Variants in ASAP3 observed in about 807,000 individuals in gnomAD.
ASAP3 encodes the protein ArfGAP with SH3 domain, ankyrin repeat and PH domain 3.
In ASAP3, 85 loss-of-function variants were observed where a neutral mutation model predicts 118.2. The observed-to-expected ratio is 0.72, with a 90% confidence interval of 0.60 to 0.86. The LOEUF is 0.86. Ranked by LOEUF, ASAP3 falls within the 40% of genes least tolerant of loss-of-function variation. ASAP3 has a pLI of 0.00. For synonymous variants in ASAP3, 432 were observed against 477.4 expected (o/e 0.90, Z 1.24); for missense variants, 1,026 against 1,175.0 (o/e 0.87, Z 1.85).
At chr1:23,465,137 A>G (rs12131668) in intron 1 of ASAP3, among the ~76,000 whole-genome samples, 5,781 of 152,338 alleles carry the variant, frequency 0.038, 145 homozygotes, top group Middle Eastern at 0.15. Context: ...CCACTATTTG[A>G]TAACTAAAAA....
At chr1:23,430,018 G>T in intron 24 of ASAP3, 88 bp from the exon 25 acceptor site, 1 of 1,084,988 alleles carries the variant, frequency 9.2e-7, no homozygotes, top group Non-Finnish European at 1.3e-6. Context: ...CTGTCCTATT[G>T]TAGATAAATT....
intron 22 of ASAP3, 79 bp downstream of exon 22, chr1:23,432,998 G>A (rs1314695362): frequency 6.6e-6 from 10 of 1,525,660 alleles, no homozygotes; most frequent in Non-Finnish European, 8.1e-6. Flanking sequence ...ACTAACATAT[G>A]CACTCAGCTC....
chr1:23,440,834 C>G (rs778958818), intron 10 of ASAP3, among the ~76,000 whole-genome samples: 1 of 130,848 alleles, frequency 7.6e-6, no homozygotes, highest in Admixed American at 8.8e-5. Flanking sequence ...CCAGCCTGGG[C>G]GACAGAGTGA....
rs754303850 is a variant in ASAP3, at chr1:23,438,622, C to G, written c.1102+125G>C. ...CTAAGGATTCTTATGTCTGCAGTAGCAGCAATTCGACACCATGTGTGGAAC... is the reference window on the plus strand; with the variant it reads ...CTAAGGATTCTTATGTCTGCAGTAGGAGCAATTCGACACCATGTGTGGAAC... On this transcript the variant is annotated intron_variant, in intron 12 of 24. Coordinates refer to ENST00000336689, the MANE Select transcript of ASAP3 (RefSeq NM_017707.4). This position sits in a 1 kb window ranked among gnomAD's most constrained non-coding sequence, Gnocchi z 4.9. The G allele has an allele frequency of 1.7e-5, 13 of 747,346 alleles. No individual in the cohort carries two copies. The highest frequency in any genetic ancestry group is 2.9e-5 in the Non-Finnish European group (13 of 446,834). The allele number at this position is 747,346 out of a possible 1,614,324, so 46.3% of individuals were successfully genotyped here.
intron 1 of ASAP3, among the ~76,000 whole-genome samples, chr1:23,456,674 G>A (rs1641398439): frequency 6.6e-6 from 1 of 152,182 alleles, no homozygotes. Context: ...CCAGAGGGGA[G>A]AACACACACA....
chr1:23,434,042 T>C (rs568712226), intron 19 of ASAP3, among the ~76,000 whole-genome samples: 2 of 152,318 alleles, frequency 1.3e-5, no homozygotes, highest in South Asian at 2.1e-4. Flanking sequence ...CCCAGAAATA[T>C]TATTTTCTTT....
intron 4 of ASAP3, among the ~76,000 whole-genome samples, 173 bp downstream of exon 4, chr1:23,452,524 A>G (rs532234869): frequency 2.0e-5 from 3 of 152,206 alleles, no homozygotes; most frequent in East Asian, 3.9e-4. Flanking sequence ...ACAGCAGGTC[A>G]GCCATCCTAG....
At chr1:23,439,283 CA>C in intron 10 of ASAP3, 53 bp from the exon 11 acceptor site, 1 of 1,562,954 alleles carries the variant, frequency 6.4e-7, no homozygotes, top group East Asian at 2.3e-5. Context: ...ACCTAGTTCG[CA>C]GGTGTCAGAG....
intron 17 of ASAP3, 125 bp downstream of exon 17, chr1:23,435,726 T>G: frequency 8.8e-7 from 1 of 1,141,106 alleles, no homozygotes; most frequent in Non-Finnish European, 1.3e-6. Context: ...CACTTACCAC[T>G]CTGATGGGTG....
In ASAP3 at chr1:23,429,920, G is replaced by A. The variant is rs531234229; in HGVS notation, c.2648C>T (p.Thr883Ile). 2 of 1,613,846 alleles carry A rather than the reference G, an allele frequency of 1.2e-6. No homozygotes were observed. The highest frequency in any genetic ancestry group is 4.5e-5 in the East Asian group (2 of 44,880). The change falls in exon 25 of 25, where the codon ACT (threonine) becomes ATT (isoleucine). Residue 883 changes from threonine to isoleucine, a missense_variant. Transcript: ENST00000336689. ...LPRRNVPVGI[T>I]EGDGSRTGSL... ...CCCAGTCCTTGAGCCATCTCCTTCA[G>A]TGATGCCAACCTGCAGAAAGAAGGA...
At chr1:23,432,928 T>G in intron 22 of ASAP3, 149 bp downstream of exon 22, 1 of 786,524 alleles carries the variant, frequency 1.3e-6, no homozygotes, top group Non-Finnish European at 2.0e-6. Flanking sequence ...CCTCTGTTCT[T>G]TTATCTGTAA....
intron 1 of ASAP3, among the ~76,000 whole-genome samples, chr1:23,469,627 T>A (rs116140347): frequency 2.5e-3 from 379 of 152,324 alleles, no homozygotes; most frequent in Non-Finnish European, 4.6e-3. Flanking sequence ...AGCTCCCAGC[T>A]TGAGTCTATT....
chr1:23,436,110 G>T lies in ASAP3; in HGVS notation c.1572-82C>A. On this transcript the variant is annotated intron_variant, in intron 16 of 24. Coordinates refer to ENST00000336689, the MANE Select transcript of ASAP3 (RefSeq NM_017707.4). This position sits in a 1 kb window ranked among gnomAD's most constrained non-coding sequence, Gnocchi z 4.2. ...CTGGGGCCCTCCCACAGGAGATACAGCTCTCTTTTTCTCCAGAACCATGTC... is the reference window on the plus strand; with the variant it reads ...CTGGGGCCCTCCCACAGGAGATACATCTCTCTTTTTCTCCAGAACCATGTC... 6.8e-7 allele frequency: 1 copy of T among 1,473,824 alleles called. No individual in the cohort carries two copies. Among genetic ancestry groups the T allele is most frequent in the Non-Finnish European group, 9.4e-7 (1 of 1,062,460 alleles). The allele number at this position is 1,473,824 out of a possible 1,614,324, so 91.3% of individuals were successfully genotyped here. A position where few individuals can be genotyped will look rare whatever the true frequency, so the allele number is the denominator to read the frequency against.
At chr1:23,458,689 G>A (rs1231560439) in intron 1 of ASAP3, among the ~76,000 whole-genome samples, 1 of 151,252 alleles carries the variant, frequency 6.6e-6, no homozygotes, top group Admixed American at 6.6e-5. Flanking sequence ...TTCTAAACTG[G>A]CCAACAGAAA....
intron 1 of ASAP3, among the ~76,000 whole-genome samples, chr1:23,473,842 G>A (rs1642033803): frequency 6.6e-6 from 1 of 151,930 alleles, no homozygotes; most frequent in African/African-American, 2.4e-5. Context: ...GTCCATCCTA[G>A]AAAACCCTGC....
chr1:23,475,632 T>C (rs1642103959), intron 1 of ASAP3, among the ~76,000 whole-genome samples: 1 of 152,214 alleles, frequency 6.6e-6, no homozygotes, highest in South Asian at 2.1e-4. Flanking sequence ...TACTGCCTTC[T>C]TGACATCTCC....
At position 23,436,925 on chromosome 1, in the gene ASAP3, G is replaced by A; in HGVS notation, c.1462C>T (p.Pro488Ser). 1 of 1,611,882 alleles carries A rather than the reference G, an allele frequency of 6.2e-7. No individual in the cohort carries two copies. The highest frequency in any genetic ancestry group is 8.5e-7 in the Non-Finnish European group (1 of 1,179,704). Residue 488 changes from proline (P) to serine (S), a missense_variant, in exon 15 of 25, where the codon CCC becomes TCC. Pro to Ser is a moderately conservative substitution (Grantham distance 74). Coordinates refer to ENST00000336689, the MANE Select transcript of ASAP3 (RefSeq NM_017707.4). This position sits in a 1 kb window ranked among gnomAD's most constrained non-coding sequence, Gnocchi z 4.2. Reference sequence around the variant, plus strand: ...CCCGCCCTCACCAACAACTCGGAGGGGCCCAGCAGGTCCAAGGTGAGTGAC... The same window carrying A: ...CCCGCCCTCACCAACAACTCGGAGGAGCCCAGCAGGTCCAAGGTGAGTGAC... Reference protein sequence around the residue: ...MQSLTLDLLGPSELLLALNMG... With the variant: ...MQSLTLDLLGSSELLLALNMG...
At chr1:23,455,850 A>G in intron 3 of ASAP3, 31 bp downstream of exon 3, 1 of 1,612,840 alleles carries the variant, frequency 6.2e-7, no homozygotes. Context: ...ATTTACCCTG[A>G]GTCTGGGCAA....
chr1:23,438,764 C>T lies in ASAP3; in HGVS notation c.1085G>A (p.Cys362Tyr). The change falls in exon 12 of 25, where the codon TGC becomes TAC. Residue 362 changes from cysteine to tyrosine, a missense_variant. By Grantham distance (194) the Cys-to-Tyr change is radical (BLOSUM62 -2). Transcript: ENST00000336689. This position sits in a 1 kb window ranked among gnomAD's most constrained non-coding sequence, Gnocchi z 4.9. ...QVRPNPEEKKCFDLVTHNRTY... is the reference protein window; with the variant it reads ...QVRPNPEEKKYFDLVTHNRTY... ...CCACTCACGGGTCACCAGGTCGAAGCACTTTTTCTCCTCAGGGTTTGGCCT... is the reference window on the plus strand; with the variant it reads ...CCACTCACGGGTCACCAGGTCGAAGTACTTTTTCTCCTCAGGGTTTGGCCT... 6.2e-7 allele frequency: 1 copy of T among 1,614,134 alleles called. No individual in the cohort carries two copies. Among genetic ancestry groups the T allele is most frequent in the Non-Finnish European group, 8.5e-7 (1 of 1,180,004 alleles).
Sources: gnomAD v4.1 joint callset for allele counts (sites outside exome capture counted in the v4.1 genomes callset) on GRCh38, gnomAD v4.1.1 for gene constraint, Gnocchi (gnomAD v3.1) non-coding constraint, MANE v1.5 for transcripts, NCBI Gene and HGNC (gene_info 2026-07-23, HGNC 2026-07-21) for gene names.